The following RBFOX1 variants were observed in gnomAD, a reference collection of about 807,000 sequenced individuals.
RBFOX1 encodes the protein RNA binding fox-1 homolog 1.
In RBFOX1, 8 loss-of-function variants were observed where a neutral mutation model predicts 57.7. The ratio of observed to expected loss-of-function variants is 0.14; its 90% CI spans 0.08 to 0.25. RBFOX1 has a LOEUF of 0.25. Ranked by LOEUF, RBFOX1 falls within the 10% of genes least tolerant of loss-of-function variation. RBFOX1 has a pLI of 1.00. For synonymous variants in RBFOX1, 326 were observed against 222.4 expected, an observed-to-expected ratio of 1.47 and a Z score of -4.15; for missense variants, 611 against 548.5, an observed-to-expected ratio of 1.11 and a Z score of -1.14.
intron 4 of RBFOX1, among the ~76,000 whole-genome samples, chr16:7,394,341 C>T (rs1402773754): frequency 6.6e-6 from 1 of 150,928 alleles, no homozygotes; most frequent in East Asian, 1.9e-4. Flanking sequence ...AAATAATGAC[C>T]TCTGCTTGTA....
chr16:6,583,287 C>G (rs1480908088), intron 2 of RBFOX1, among the ~76,000 whole-genome samples: 1 of 152,076 alleles, frequency 6.6e-6, no homozygotes, highest in Non-Finnish European at 1.5e-5. Context: ...AACTTCAGGA[C>G]CAGGAACTAC....
intron 3 of RBFOX1, among the ~76,000 whole-genome samples, chr16:5,798,666 G>A (rs2054959902): frequency 6.6e-6 from 1 of 152,156 alleles, no homozygotes; most frequent in African/African-American, 2.4e-5. Flanking sequence ...GTGTCAAATG[G>A]GACTTATGAG....
intron 1 of RBFOX1, among the ~76,000 whole-genome samples, chr16:6,174,313 G>C (rs979296372): frequency 2.4e-4 from 36 of 152,158 alleles, no homozygotes; most frequent in Admixed American, 6.5e-4. Context: ...CAAAAGTTAG[G>C]GCCGGGCACG....
intron 3 of RBFOX1, among the ~76,000 whole-genome samples, chr16:6,710,898 A>T (rs1211092433): frequency 6.6e-6 from 1 of 152,158 alleles, no homozygotes; most frequent in African/African-American, 2.4e-5. Context: ...GTCTGAGAAG[A>T]CTCCTTCTAG....
At chr16:7,044,915 C>A (rs1329697547) in intron 3 of RBFOX1, among the ~76,000 whole-genome samples, 3 of 152,148 alleles carry the variant, frequency 2.0e-5, no homozygotes, top group Non-Finnish European at 4.4e-5. Flanking sequence ...TTAAGAGCCT[C>A]ATTAGTTGCA....
At chr16:7,286,275 T>G (rs1281965667) in intron 4 of RBFOX1, among the ~76,000 whole-genome samples, 2 of 152,070 alleles carry the variant, frequency 1.3e-5, no homozygotes, top group Admixed American at 6.6e-5. Flanking sequence ...GAAGGTGACA[T>G]GAGGAAATTT....
chr16:6,648,801 C>T (rs754458027), intron 2 of RBFOX1, among the ~76,000 whole-genome samples: 1 of 152,054 alleles, frequency 6.6e-6, no homozygotes, highest in African/African-American at 2.4e-5. Context: ...GAAAATACAG[C>T]CTGAGAATCT....
chr16:5,240,587 G>A (rs1422822610), intron 1 of RBFOX1, among the ~76,000 whole-genome samples: 2 of 152,210 alleles, frequency 1.3e-5, no homozygotes, highest in Non-Finnish European at 2.9e-5. Flanking sequence ...CACCTGCCCC[G>A]CATCTTCCTG....
chr16:6,636,961 A>G (rs2098441687), intron 2 of RBFOX1, among the ~76,000 whole-genome samples: 1 of 128,910 alleles, frequency 7.8e-6, no homozygotes, highest in Non-Finnish European at 1.6e-5. Flanking sequence ...TAAAATATGT[A>G]TATTATGTAT....
chr16:7,099,224 A>T (rs1205054793), intron 4 of RBFOX1, among the ~76,000 whole-genome samples: 2 of 152,148 alleles, frequency 1.3e-5, no homozygotes, highest in African/African-American at 4.8e-5. Flanking sequence ...ATACGTGTGG[A>T]TGTAGAATGA....
At position 6,790,957 on chromosome 16, in the gene RBFOX1, G is replaced by C. The variant is rs147901266; in HGVS notation, c.-16+136307G>C. On this transcript the variant is annotated intron_variant, in intron 3 of 15. Transcript: ENST00000550418. ...GTCTGACTGTGTCACCCAGGTTGGAGTGCATTGGTATGATCTTGACTCACT... is the reference window on the plus strand; with the variant it reads ...GTCTGACTGTGTCACCCAGGTTGGACTGCATTGGTATGATCTTGACTCACT... Among the ~76,000 whole-genome samples the C allele has an allele frequency of 2.2e-3, 331 of 152,038 alleles. 2 individuals are homozygous for C. Among genetic ancestry groups the C allele is most frequent in the African/African-American group, 7.1e-3 (296 of 41,446 alleles).
intron 3 of RBFOX1, among the ~76,000 whole-genome samples, chr16:6,884,538 C>G (rs1028964955): frequency 2.6e-5 from 4 of 152,116 alleles, no homozygotes; most frequent in Admixed American, 2.0e-4. Flanking sequence ...TGTACATCAT[C>G]TGTTACATTA....
intron 4 of RBFOX1, among the ~76,000 whole-genome samples, chr16:7,141,627 C>G (rs575525531): frequency 1.5e-4 from 23 of 152,232 alleles, no homozygotes. Context: ...CATATTAATG[C>G]CATTTGTAGT....
chr16:5,409,354 C>G (rs893117410), intron 1 of RBFOX1, among the ~76,000 whole-genome samples: 1 of 152,182 alleles, frequency 6.6e-6, no homozygotes, highest in Non-Finnish European at 1.5e-5. Flanking sequence ...GTGTCTCATC[C>G]TCTTCTCTAC....
chr16:5,658,064 T>C (rs1183608704), intron 3 of RBFOX1, among the ~76,000 whole-genome samples: 3 of 152,098 alleles, frequency 2.0e-5, no homozygotes, highest in Non-Finnish European at 4.4e-5. Flanking sequence ...CATTTCGTGA[T>C]CCAGACTCCA....
intron 4 of RBFOX1, among the ~76,000 whole-genome samples, chr16:5,945,347 G>A (rs2059380517): frequency 6.6e-6 from 1 of 152,186 alleles, no homozygotes; most frequent in South Asian, 2.1e-4. Context: ...TACAATAAAG[G>A]TAACTGGATT....
At chr16:6,605,897 C>G (rs749038057) in intron 2 of RBFOX1, among the ~76,000 whole-genome samples, 58 of 151,770 alleles carry the variant, frequency 3.8e-4, no homozygotes, top group Non-Finnish European at 7.5e-4. Flanking sequence ...GGCAGGAGTT[C>G]GAGACCAGCC....
chr16:5,643,569 A>AT (rs773886860), intron 3 of RBFOX1, among the ~76,000 whole-genome samples: 10 of 152,310 alleles, frequency 6.6e-5, no homozygotes, highest in South Asian at 6.2e-4. Flanking sequence ...ATGCTTCATG[A>AT]TTTTTTATTG....
At chr16:5,880,512 T>C (rs891111351) in intron 4 of RBFOX1, among the ~76,000 whole-genome samples, 1 of 152,248 alleles carries the variant, frequency 6.6e-6, no homozygotes, top group Non-Finnish European at 1.5e-5. Flanking sequence ...AATCTTACAA[T>C]AATCCTATGG....
Sources: allele counts gnomAD v4.1 joint callset (sites outside exome capture counted in the v4.1 genomes callset), GRCh38; gene constraint gnomAD v4.1.1; transcripts MANE v1.5; gene names NCBI Gene and HGNC (gene_info 2026-07-23, HGNC 2026-07-21).